The following AOX1 variants were observed in gnomAD, a reference collection of about 807,000 sequenced individuals.
AOX1 encodes the protein aldehyde oxidase 1.
In AOX1, 153 loss-of-function variants were observed where a neutral mutation model predicts 169.5. That is an observed-to-expected ratio of 0.90 (90% CI 0.79 to 1.03). The LOEUF (loss-of-function observed/expected upper bound fraction) is 1.03. AOX1 is among the 50% of genes least tolerant of loss of function. The pLI is 0.00. For synonymous variants in AOX1, 562 were observed against 581.9 expected (o/e 0.97, Z 0.49); for missense variants, 1,656 against 1,663.9 (o/e 1.00, Z 0.08).
At chr2:200,638,756 G>GA (rs1250244436) in intron 23 of AOX1, among the ~76,000 whole-genome samples, 5 of 152,172 alleles carry the variant, frequency 3.3e-5, no homozygotes, top group African/African-American at 9.6e-5. Flanking sequence ...GAAATTCATA[G>GA]AAAAAAATTT....
At position 200,598,681 on chromosome 2, in the gene AOX1, G is replaced by T. The variant is rs374546655; in HGVS notation, c.310-939G>T. On this transcript the variant is annotated intron_variant, in intron 4 of 34. Coordinates refer to ENST00000374700, the MANE Select transcript of AOX1 (RefSeq NM_001159.4). ...AATCACTTGAACCTGGGAGGTGGAG[G>T]TTGCAGTGAGCCAAGATCATGCCAC... Among the ~76,000 whole-genome samples, 364 of 151,558 alleles carry T rather than the reference G, an allele frequency of 2.4e-3. 3 individuals are homozygous for T. The highest frequency in any genetic ancestry group is 8.4e-3 in the African/African-American group (348 of 41,276).
At chr2:200,588,562 T>TA (rs2034087865) in intron 1 of AOX1, among the ~76,000 whole-genome samples, 1 of 152,104 alleles carries the variant, frequency 6.6e-6, no homozygotes, top group Non-Finnish European at 1.5e-5. Flanking sequence ...TGGTTATTTG[T>TA]AAAGTATAAT....
At chr2:200,617,220 TGA>T (rs1320738222) in intron 16 of AOX1, among the ~76,000 whole-genome samples, 2 of 152,206 alleles carry the variant, frequency 1.3e-5, no homozygotes. Flanking sequence ...GCCACATAGA[TGA>T]GTTTTGTTTT....
At chr2:200,590,800 C>T (rs767117792) in intron 1 of AOX1, among the ~76,000 whole-genome samples, 1 of 152,176 alleles carries the variant, frequency 6.6e-6, no homozygotes, top group Non-Finnish European at 1.5e-5. Flanking sequence ...TGTTTACCAT[C>T]ATATCTAGGA....
rs142425072 is a variant in AOX1 at position 200,613,945 on chromosome 2, G to A, written c.1590G>A (p.Val530=). Residue 530 remains valine, a synonymous_variant, in exon 15 of 35, where the codon GTG becomes GTA. Transcript: ENST00000374700. ...TCCTCTTCAAGTTCTACCTGGAAGTGTCACAGATTTTGAAAAAGATGGTAA... is the reference window on the plus strand; with the variant it reads ...TCCTCTTCAAGTTCTACCTGGAAGTATCACAGATTTTGAAAAAGATGGTAA... ...ISFLFKFYLE[V]SQILKKMDPV... 1.3e-4 allele frequency: 211 copies of A among 1,612,096 alleles called. No homozygotes were observed. The highest frequency in any genetic ancestry group is 8.6e-4 in the Middle Eastern group (4 of 4,636).
intron 8 of AOX1, 138 bp downstream of exon 8, chr2:200,604,235 G>A (rs2034470521): frequency 1.5e-6 from 1 of 674,870 alleles, no homozygotes. Context: ...AAGGTCTAAA[G>A]AGTATGGACT....
rs774851026 is a variant in AOX1 at position 200,662,865 on chromosome 2, T to G, written c.3439T>G (p.Ser1147Ala). Residue 1147 changes from serine to alanine, a missense_variant, in exon 31 of 35, where the codon TCA (serine) becomes GCA (alanine). Physicochemically the swap from Ser to Ala is moderately conservative, Grantham distance 99 (BLOSUM62 1). Coordinates refer to ENST00000374700, the MANE Select transcript of AOX1 (RefSeq NM_001159.4). Reference sequence around the variant, plus strand: ...CACTGTTTCTTCCAGAGGTTATGAGTCAGACATGAACTGGGAGAAAGGCGA... The same window carrying G: ...CACTGTTTCTTCCAGAGGTTATGAGGCAGACATGAACTGGGAGAAAGGCGA... ...SAVGYFRGYE[S>A]DMNWEKGEGQ... The G allele has an allele frequency of 8.1e-6, 13 of 1,613,674 alleles. No individual in the cohort carries two copies. The African/African-American group carries it at 1.7e-4, about 22-fold the overall frequency.
Position 200,642,567 on chromosome 2 carries a change from A to G in AOX1, c.2656-43A>G, listed in dbSNP as rs199868872. 429 of 1,583,622 alleles carry G rather than the reference A, an allele frequency of 2.7e-4. 1 individual carries two copies. The African/African-American group carries it at 5.1e-3, about 19-fold the overall frequency. On this transcript the variant is annotated intron_variant, in intron 24 of 34. Transcript: ENST00000374700. ...GTCTGAGGTCGTAGGATGGTGAAAC[A>G]GGTTCAGAAGATCTTAATCACATCA... is the stretch of plus-strand genomic sequence containing the variant.
Position 200,656,936 on chromosome 2 carries a change from A to G in AOX1, c.3170A>G (p.Gln1057Arg). 6.4e-7 allele frequency: 1 copy of G among 1,563,680 alleles called. No homozygotes were observed. The highest frequency in any genetic ancestry group is 1.2e-5 in the South Asian group (1 of 81,306). ...CAGGGGGTCCACACTAAAATGATTC[A>G]GGTAAGAATGCAAATAACTCGATTG... is the stretch of plus-strand genomic sequence containing the variant. ...MGQGVHTKMIQVVSRELRMPM... is the reference protein window; with the variant it reads ...MGQGVHTKMIRVVSRELRMPM... The change falls in exon 27 of 35, where the codon CAG (glutamine) becomes CGG (arginine). Residue 1057 changes from glutamine to arginine, a missense_variant and splice_region_variant. Coordinates refer to ENST00000374700, the MANE Select transcript of AOX1 (RefSeq NM_001159.4).
downstream of AOX1, among the ~76,000 whole-genome samples, chr2:200,674,065 G>A (rs73055201): frequency 0.092 from 13,987 of 152,252 alleles, 768 homozygotes; most frequent in African/African-American, 0.15. Context: ...GAGCAGGAGC[G>A]GGAGGAACAA....
At chr2:200,670,077 C>G (rs2035998295) in intron 34 of AOX1, among the ~76,000 whole-genome samples, 1 of 152,080 alleles carries the variant, frequency 6.6e-6, no homozygotes, top group Non-Finnish European at 1.5e-5. Flanking sequence ...TGCCCTGAAC[C>G]TAGGACACCC....
chr2:200,596,712 G>A (rs1057125736), intron 3 of AOX1, among the ~76,000 whole-genome samples: 1 of 152,160 alleles, frequency 6.6e-6, no homozygotes, highest in Admixed American at 6.5e-5. Context: ...TCAGGGATGA[G>A]AGCAACTGTA....
At chr2:200,633,565 T>G (rs2035171204) in intron 20 of AOX1, among the ~76,000 whole-genome samples, 1 of 152,158 alleles carries the variant, frequency 6.6e-6, no homozygotes, top group African/African-American at 2.4e-5. Context: ...TTTTATACTT[T>G]CTATTTCTTT....
At chr2:200,636,671 T>C (rs1559248879) in intron 21 of AOX1, among the ~76,000 whole-genome samples, 1 of 152,180 alleles carries the variant, frequency 6.6e-6, no homozygotes, top group Non-Finnish European at 1.5e-5. Flanking sequence ...CAAGTATTGC[T>C]GAGATCAGTT....
At chr2:200,634,613 T>C (rs1412410984) in intron 20 of AOX1, among the ~76,000 whole-genome samples, 178 bp from the exon 21 acceptor site, 2 of 152,200 alleles carry the variant, frequency 1.3e-5, no homozygotes, top group African/African-American at 2.4e-5. Flanking sequence ...GATTCTCCTA[T>C]AGAACTTTAC....
Position 200,620,206 on chromosome 2 carries a change from T to TA in AOX1, c.1705-444_1705-443insA, listed in dbSNP as rs2034854445. On this transcript the variant is annotated intron_variant, in intron 16 of 34. Coordinates refer to ENST00000374700, the MANE Select transcript of AOX1 (RefSeq NM_001159.4). ...TGGTGTTATTAATAGTGACTTTTTT[T>TA]TTTTTTTTTTTTGATGGCGTCTTGC... is the stretch of plus-strand genomic sequence containing the variant. 5.3e-5 allele frequency among the ~76,000 whole-genome samples: 8 copies of TA among 150,888 alleles called. No homozygotes were observed. In the South Asian group the frequency reaches 1.7e-3, roughly 32 times the overall value.
At chr2:200,593,277 T>C (rs2034213007) in intron 2 of AOX1, 74 bp downstream of exon 2, 2 of 1,205,278 alleles carry the variant, frequency 1.7e-6, no homozygotes, top group South Asian at 1.2e-5. Flanking sequence ...TTAAATGATA[T>C]TTCAAATATA....
intron 26 of AOX1, among the ~76,000 whole-genome samples, chr2:200,655,095 G>A (rs933420659): frequency 6.6e-6 from 1 of 152,230 alleles, no homozygotes; most frequent in African/African-American, 2.4e-5. Context: ...TGCGAGCCAA[G>A]GAGGCCAAAT....
Position 200,605,605 on chromosome 2 carries a change from G to C in AOX1, c.884G>C (p.Ser295Thr). 6.4e-7 allele frequency: 1 copy of C among 1,558,870 alleles called. No individual in the cohort carries two copies. The highest frequency in any genetic ancestry group is 1.4e-5 in the African/African-American group (1 of 72,356). The change falls in exon 10 of 35, where the codon AGT (serine) becomes ACT (threonine). Residue 295 changes from serine (S) to threonine (T), a missense_variant. Coordinates refer to ENST00000374700, the MANE Select transcript of AOX1 (RefSeq NM_001159.4). ...TCTCCTGATAGAATTGAAGAACTGA[G>C]TGTTGTAAACCATGCATATAATGGT... Reference protein sequence around the residue: ...IISPDRIEELSVVNHAYNGLT... With the variant: ...IISPDRIEELTVVNHAYNGLT...
Sources: allele counts gnomAD v4.1 joint callset (sites outside exome capture counted in the v4.1 genomes callset), GRCh38; gene constraint gnomAD v4.1.1; transcripts MANE v1.5; gene names NCBI Gene and HGNC (gene_info 2026-07-23, HGNC 2026-07-21).